Variants in FAAH2 observed in about 807,000 individuals in gnomAD.
FAAH2 encodes fatty acid amide hydrolase 2.
A neutral mutation model predicts 36.9 loss-of-function variants in FAAH2; 60 were observed. The observed-to-expected ratio is 1.63, with a 90% CI of 1.32 to 2.02. The LOEUF (loss-of-function observed/expected upper bound fraction) is 2.02. Ranked by LOEUF, FAAH2 falls within the 30% of genes most tolerant of loss-of-function variation. The pLI, the probability that FAAH2 is intolerant of heterozygous loss-of-function variation, is 0.00. For missense variants in FAAH2, 689 were observed against 397.5 expected (o/e 1.73, Z -6.23); for synonymous variants, 214 against 143.8 (o/e 1.49, Z -3.49).
intron 2 of FAAH2, among the ~76,000 whole-genome samples, chrX:57,309,523 A>G (rs2052632426): frequency 9.0e-6 from 1 of 111,518 alleles, no homozygotes; most frequent in Non-Finnish European, 1.9e-5. Context: ...TACAAGGTAA[A>G]CGTGTACCAT....
chrX:57,320,130 T>A (rs1315539280), intron 3 of FAAH2, among the ~76,000 whole-genome samples: 1 of 111,332 alleles, frequency 9.0e-6, no homozygotes, highest in South Asian at 3.7e-4. Context: ...GACTAAAACA[T>A]CAAAGAAAAA....
chrX:57,488,647 G>T (rs1003388188), intron 10 of FAAH2, 110 bp from the exon 11 acceptor site: 1 of 781,396 alleles, frequency 1.3e-6, no homozygotes. Flanking sequence ...TAAGTAGATA[G>T]TAAATTATAA....
chrX:57,436,779 C>T (rs1353214502), intron 8 of FAAH2, among the ~76,000 whole-genome samples: 1 of 111,061 alleles, frequency 9.0e-6, no homozygotes, highest in Non-Finnish European at 1.9e-5. Flanking sequence ...AAAGGAATCT[C>T]AGAACTAAAT....
At chrX:57,385,823 G>A (rs1216856250) in intron 7 of FAAH2, among the ~76,000 whole-genome samples, 1 of 109,571 alleles carries the variant, frequency 9.1e-6, no homozygotes, top group African/African-American at 3.3e-5. Flanking sequence ...CAGGAGAATG[G>A]CGTCAACCCG....
chrX:57,237,374 T>C, the FAAH2 span, among the ~76,000 whole-genome samples: 1 of 111,437 alleles, frequency 9.0e-6, no homozygotes, highest in African/African-American at 3.2e-5. Flanking sequence ...ATTACAATCA[T>C]ACTAACAGAA....
chrX:57,213,157 T>C, the FAAH2 span, among the ~76,000 whole-genome samples: 1 of 111,803 alleles, frequency 8.9e-6, no homozygotes, highest in African/African-American at 3.2e-5. Context: ...CTTCATACTT[T>C]TGTAGTATCA....
the FAAH2 span, among the ~76,000 whole-genome samples, chrX:57,144,628 G>A: frequency 9.1e-6 from 1 of 109,730 alleles, no homozygotes; most frequent in East Asian, 2.8e-4. Context: ...CACCCGAGCA[G>A]TTTACACTGA....
intron 7 of FAAH2, among the ~76,000 whole-genome samples, chrX:57,410,591 T>C (rs181820740): frequency 1.9e-4 from 21 of 111,999 alleles, no homozygotes; most frequent in African/African-American, 6.5e-4. Flanking sequence ...TCTTGAATAA[T>C]AGACTGTTTT....
the FAAH2 span, among the ~76,000 whole-genome samples, chrX:57,198,431 A>G: frequency 8.9e-6 from 1 of 111,928 alleles, no homozygotes; most frequent in South Asian, 3.7e-4. Flanking sequence ...TGCCCCACCA[A>G]CAGGTCTGAG....
At chrX:57,330,802 G>A (rs1196470571) in intron 3 of FAAH2, among the ~76,000 whole-genome samples, 1 of 111,192 alleles carries the variant, frequency 9.0e-6, no homozygotes, top group African/African-American at 3.3e-5. Context: ...ATCGGGGCAG[G>A]TTCCCCAATA....
the FAAH2 span, among the ~76,000 whole-genome samples, chrX:57,218,350 T>C: frequency 8.9e-6 from 1 of 112,069 alleles, no homozygotes; most frequent in South Asian, 3.7e-4. Context: ...CATAGATGTC[T>C]TTTACTACAT....
intron 3 of FAAH2, among the ~76,000 whole-genome samples, chrX:57,328,779 A>T (rs1255402563): frequency 9.0e-6 from 1 of 111,569 alleles, no homozygotes; most frequent in Admixed American, 9.6e-5. Flanking sequence ...TTATGGTATA[A>T]GGTAGGTTCA....
At chrX:57,293,836 C>G (rs976428956) in intron 2 of FAAH2, among the ~76,000 whole-genome samples, 1 of 110,314 alleles carries the variant, frequency 9.1e-6, no homozygotes, top group Non-Finnish European at 1.9e-5. Context: ...GGAGAGGGTG[C>G]TTGTGGGTAA....
Position 57,446,851 on chromosome X carries a change from A to G in FAAH2, c.1117-77A>G, listed in dbSNP as rs2056685431. The G allele has an allele frequency of 6.7e-6, 4 of 599,173 alleles. No homozygotes were observed. The Admixed American group carries it at 1.3e-4, about 20-fold the overall frequency. The allele number at this position is 599,173 out of a possible 1,213,427, so 49.4% of individuals were successfully genotyped here. On this transcript the variant is annotated intron_variant, in intron 8 of 10. Coordinates refer to ENST00000374900, the MANE Select transcript of FAAH2 (RefSeq NM_174912.4). ...CTGTTATGAATGATTATTCATATAT[A>G]AGTCTTGTATAGGTGTTTTGGTCTT...
chrX:57,429,355 A>AT (rs1260074693), intron 7 of FAAH2, among the ~76,000 whole-genome samples: 2 of 109,645 alleles, frequency 1.8e-5, no homozygotes, highest in African/African-American at 6.6e-5. Context: ...AAAAAAAAAA[A>AT]ATTCTGCTAA....
At chrX:57,152,117 C>T in the FAAH2 span, among the ~76,000 whole-genome samples, 1 of 111,828 alleles carries the variant, frequency 8.9e-6, no homozygotes, top group South Asian at 3.8e-4. Context: ...GCTGCCTGAT[C>T]ATTCCTCTGG....
intron 8 of FAAH2, among the ~76,000 whole-genome samples, chrX:57,442,544 G>T (rs910554794): frequency 8.9e-6 from 1 of 111,784 alleles, no homozygotes; most frequent in Non-Finnish European, 1.9e-5. Flanking sequence ...GCACACTGAT[G>T]TGTCTTGACT....
intron 3 of FAAH2, among the ~76,000 whole-genome samples, chrX:57,324,846 A>C (rs188485788): frequency 1.8e-5 from 2 of 111,627 alleles, no homozygotes; most frequent in African/African-American, 6.5e-5. Context: ...TCTCCTGCCT[A>C]ATTGCCCTGG....
chrX:57,474,571 A>C (rs1602793001), intron 10 of FAAH2, among the ~76,000 whole-genome samples: 1 of 111,740 alleles, frequency 8.9e-6, no homozygotes, highest in Non-Finnish European at 1.9e-5. Context: ...GTATTCCATG[A>C]TATATATGTG....
Sources: gnomAD v4.1 joint callset for allele counts (sites outside exome capture counted in the v4.1 genomes callset) on GRCh38, gnomAD v4.1.1 for gene constraint, MANE v1.5 for transcripts, NCBI Gene and HGNC (gene_info 2026-07-23, HGNC 2026-07-21) for gene names.